The following MGAT5B variants were observed in gnomAD, a reference collection of about 807,000 sequenced individuals.
The protein encoded by MGAT5B is N-acetylglucosaminyl-transferase Vb.
MGAT5B carries 54 observed loss-of-function variants against 95.1 expected under a neutral mutation model. The ratio of observed to expected loss-of-function variants is 0.57; its 90% CI spans 0.46 to 0.71. The LOEUF is 0.71. Ranked by LOEUF, MGAT5B falls within the 30% of genes least tolerant of loss-of-function variation. The pLI is 0.00. For synonymous variants in MGAT5B, 464 were observed against 451.0 expected (o/e 1.03, Z -0.36); for missense variants, 935 against 1,088.6 (o/e 0.86, Z 1.99).
intron 3 of MGAT5B, among the ~76,000 whole-genome samples, chr17:76,892,725 G>A (rs1034859286): frequency 4.6e-5 from 7 of 152,262 alleles, no homozygotes; most frequent in Non-Finnish European, 8.8e-5. Context: ...AGCTGTGACA[G>A]CGCCTGCTCT....
At chr17:76,902,936 G>C (rs1170573488) in intron 4 of MGAT5B, among the ~76,000 whole-genome samples, 1 of 152,156 alleles carries the variant, frequency 6.6e-6, no homozygotes, top group Non-Finnish European at 1.5e-5. Flanking sequence ...GGCCACCTGG[G>C]GAAGGGTCCC....
intron 3 of MGAT5B, among the ~76,000 whole-genome samples, chr17:76,894,784 T>G (rs1598917273): frequency 7.1e-6 from 1 of 140,750 alleles, no homozygotes; most frequent in Non-Finnish European, 1.5e-5. Context: ...ACCCAGGAGG[T>G]GGAGATTACA....
Position 76,868,784 on chromosome 17 carries a change from G to A in MGAT5B, c.-246G>A, listed in dbSNP as rs1487818888. On this transcript the variant is annotated 5_prime_UTR_variant, in exon 1 of 18. The change abolishes the stop of an existing upstream ORF in the 5' untranslated region. Coordinates refer to ENST00000569840, the MANE Select transcript of MGAT5B (RefSeq NM_001199172.2). The surrounding 1 kb of genome is among the most constrained non-coding windows in gnomAD (Gnocchi z 6.3). ...CGCCGCCTCCCGGTCCCCAAAATGT[G>A]AAGCGGGGAGGGCGGAGACGCAGAG... The A allele has an allele frequency of 3.0e-5, 8 of 268,338 alleles. No homozygotes were observed. The highest frequency in any genetic ancestry group is 2.3e-5 in the African/African-American group (1 of 44,314). 16.6% of individuals were successfully genotyped at this position (268,338 alleles called of 1,614,324 possible).
At position 76,882,232 on chromosome 17, in the gene MGAT5B, T is replaced by C. The variant is rs1352839703; in HGVS notation, c.263T>C (p.Leu88Pro). The C allele has an allele frequency of 6.2e-7, 1 of 1,613,686 alleles. No individual in the cohort carries two copies. Among genetic ancestry groups the C allele is most frequent in the East Asian group, 2.2e-5 (1 of 44,878 alleles). Residue 88 changes from leucine (L) to proline (P), a missense_variant, in exon 3 of 18, where the codon CTG becomes CCG. This residue lies in a region of MGAT5B where 243 missense variants were observed against 228.2 expected (regional missense o/e 1.06). Coordinates refer to ENST00000569840, the MANE Select transcript of MGAT5B (RefSeq NM_001199172.2). ...LELMVKRMDA[L>P]ARLENSSELH... ...CTGATGGTGAAGCGCATGGACGCAC[T>C]GGCCAGGCTGGAGAACAGCAGTGAG... is the stretch of plus-strand genomic sequence containing the variant.
intron 4 of MGAT5B, among the ~76,000 whole-genome samples, chr17:76,903,053 T>C (rs1244095437): frequency 6.6e-6 from 1 of 152,132 alleles, no homozygotes; most frequent in Non-Finnish European, 1.5e-5. Flanking sequence ...GGTGGGTGCA[T>C]GAGGTCTGCC....
At chr17:76,908,831 G>T (rs62080222) in intron 8 of MGAT5B, among the ~76,000 whole-genome samples, 4,589 of 149,272 alleles carry the variant, frequency 0.031, 90 homozygotes, top group Non-Finnish European at 0.044. Context: ...TTTTGAGATG[G>T]AGTCTCACTC....
rs1969434997 is a variant in MGAT5B, at chr17:76,930,160, C to T, written c.1292-2485C>T. On this transcript the variant is annotated intron_variant, in intron 10 of 17. Transcript: ENST00000569840. This position sits in a 1 kb window ranked among gnomAD's most constrained non-coding sequence, Gnocchi z 4.1. ...GGCTTCCAGGGCTCCTCCTGACCCT[C>T]CCAAAGCTCTAGAGGAGAGATCGTT... Among the ~76,000 whole-genome samples the T allele has an allele frequency of 6.6e-6, 1 of 152,116 alleles. No homozygotes were observed. The highest frequency in any genetic ancestry group is 2.4e-5 in the African/African-American group (1 of 41,404).
intron 10 of MGAT5B, among the ~76,000 whole-genome samples, chr17:76,932,007 C>G (rs1002180574): frequency 2.0e-4 from 30 of 151,782 alleles, no homozygotes; most frequent in African/African-American, 7.3e-4. Flanking sequence ...GGTGCTTCTT[C>G]CTTCTTTCTT....
At position 76,916,406 on chromosome 17, in the gene MGAT5B, G is replaced by A. The variant is rs1242961100; in HGVS notation, c.1026-8560G>A. ...CTCTGGCCTGGCCTGTGTTGGGGAG[G>A]GCTGCAAGGGAAGACTCATGGAAAT... On this transcript the variant is annotated intron_variant, in intron 8 of 17. Coordinates refer to ENST00000569840, the MANE Select transcript of MGAT5B (RefSeq NM_001199172.2). The surrounding 1 kb of genome is among the most constrained non-coding windows in gnomAD (Gnocchi z 5.3). Among the ~76,000 whole-genome samples, 1 of 152,236 alleles carries A rather than the reference G, an allele frequency of 6.6e-6. No homozygotes were observed. Among genetic ancestry groups the A allele is most frequent in the Non-Finnish European group, 1.5e-5 (1 of 68,034 alleles).
At chr17:76,900,932 C>T (rs558268621) in intron 3 of MGAT5B, among the ~76,000 whole-genome samples, 9 of 108,794 alleles carry the variant, frequency 8.3e-5, no homozygotes, top group African/African-American at 2.0e-4. Context: ...TGTGTGCGTG[C>T]GTGTTTGTGT....
chr17:76,943,697 T>A (rs1187095382), intron 15 of MGAT5B, among the ~76,000 whole-genome samples: 1 of 151,878 alleles, frequency 6.6e-6, no homozygotes, highest in Non-Finnish European at 1.5e-5. Flanking sequence ...CGCCTCGGCC[T>A]CCCAAAGAGC....
chr17:76,902,731 GT>G, intron 4 of MGAT5B, 61 bp downstream of exon 4: 1 of 1,182,414 alleles, frequency 8.5e-7, no homozygotes, highest in Non-Finnish European at 1.2e-6. Flanking sequence ...TGGGTGCTGG[GT>G]GGGCCCTGGG....
intron 3 of MGAT5B, among the ~76,000 whole-genome samples, chr17:76,890,228 G>A (rs114241386): frequency 5.3e-4 from 80 of 152,346 alleles, no homozygotes; most frequent in African/African-American, 1.7e-3. Flanking sequence ...GAAACCTCGG[G>A]TGGAGCAATT....
chr17:76,939,029 G>GGGGGGGTGTGTGTGT (rs1237086611), intron 13 of MGAT5B, among the ~76,000 whole-genome samples: 5 of 128,190 alleles, frequency 3.9e-5, no homozygotes, highest in African/African-American at 1.2e-4. Flanking sequence ...GCATCTTGGG[G>GGGGGGGTGTGTGTGT]GTGTGTGTGT....
chr17:76,915,782 C>G lies in MGAT5B; in HGVS notation c.1026-9184C>G, dbSNP rs1567811612. On this transcript the variant is annotated intron_variant, in intron 8 of 17. Coordinates refer to ENST00000569840, the MANE Select transcript of MGAT5B (RefSeq NM_001199172.2). The surrounding 1 kb of genome is among the most constrained non-coding windows in gnomAD (Gnocchi z 8.7). Reference sequence around the variant, plus strand: ...TTACAATTCACTAAAAATCCCCGGCCCCTCTCCTGTCTCCTTTTTCCTTCC... The same window carrying G: ...TTACAATTCACTAAAAATCCCCGGCGCCTCTCCTGTCTCCTTTTTCCTTCC... 6.6e-6 allele frequency among the ~76,000 whole-genome samples: 1 copy of G among 152,196 alleles called. No individual in the cohort carries two copies. Among genetic ancestry groups the G allele is most frequent in the Non-Finnish European group, 1.5e-5 (1 of 68,038 alleles).
Position 76,882,312 on chromosome 17 carries a change from G to A in MGAT5B, c.329+14G>A. On this transcript the variant is annotated intron_variant, in intron 3 of 17. Transcript: ENST00000569840. ...TCCCGCAGACAGGTGAGGGGACGTGGGGAGGAGGCACACGGAGCAGGGGAG... is the reference window on the plus strand; with the variant it reads ...TCCCGCAGACAGGTGAGGGGACGTGAGGAGGAGGCACACGGAGCAGGGGAG... 5 of 1,601,334 alleles carry A rather than the reference G, an allele frequency of 3.1e-6. No homozygotes were observed. The highest frequency in any genetic ancestry group is 4.3e-6 in the Non-Finnish European group (5 of 1,174,876).
chr17:76,937,792 C>G (rs1021029697), intron 12 of MGAT5B, among the ~76,000 whole-genome samples, 196 bp from the exon 13 acceptor site: 8 of 152,220 alleles, frequency 5.3e-5, no homozygotes, highest in Non-Finnish European at 2.9e-5. Flanking sequence ...AGCCTCTGCT[C>G]TAGTCCAATC....
intron 8 of MGAT5B, among the ~76,000 whole-genome samples, chr17:76,907,904 T>C (rs1968589458): frequency 6.6e-6 from 1 of 152,256 alleles, no homozygotes; most frequent in Non-Finnish European, 1.5e-5. Context: ...TGATGTCTTA[T>C]TATGGCTGCA....
rs190043891 is a variant in MGAT5B at position 76,939,498 on chromosome 17, G to A, written c.1585-904G>A. Among the ~76,000 whole-genome samples the A allele has an allele frequency of 4.3e-3, 574 of 132,910 alleles. 5 individuals carry two copies. Among genetic ancestry groups the A allele is most frequent in the African/African-American group, 0.016 (550 of 34,754 alleles). The allele number at this position is 132,910 out of a possible 152,430, so 87.2% of individuals were successfully genotyped here. A position where few individuals can be genotyped will look rare whatever the true frequency, so the allele number is the denominator to read the frequency against. On this transcript the variant is annotated intron_variant, in intron 13 of 17. Transcript: ENST00000569840. ...CACCGCACTCCAGCCTGGTGACAGA[G>A]CAAGACTCCGTCTCAAAATTTTTTT...
Sources: gnomAD v4.1 joint callset for allele counts (sites outside exome capture counted in the v4.1 genomes callset) on GRCh38, gnomAD v4.1.1 for gene constraint, gnomAD v4.1.1 regional missense constraint, Gnocchi (gnomAD v3.1) non-coding constraint, MANE v1.5 for transcripts, NCBI Gene and HGNC (gene_info 2026-07-23, HGNC 2026-07-21) for gene names.